EYS: variants seen among roughly 807,000 people sequenced by gnomAD.
EYS encodes the protein EGF-like photoreceptor maintenance factor, also known as protein eyes shut homolog.
EYS carries 250 observed loss-of-function variants against 282.1 expected under a neutral mutation model. The ratio of observed to expected loss-of-function variants is 0.89; its 90% confidence interval spans 0.80 to 0.98. The LOEUF (loss-of-function observed/expected upper bound fraction) is 0.98, where lower values mean the gene tolerates loss of function less well. EYS is among the 50% of genes least tolerant of loss of function. The probability of loss-of-function intolerance (pLI) is 0.00; values close to 1 mark genes in which losing one functional copy is unlikely to be tolerated. For synonymous variants in EYS, 1,355 were observed against 1,282.9 expected (o/e 1.06, Z -1.20); for missense variants, 4,016 against 3,709.0 (o/e 1.08, Z -2.15).
At chr6:65,188,569 A>G (rs2150237978) in intron 12 of EYS, among the ~76,000 whole-genome samples, 1 of 151,748 alleles carries the variant, frequency 6.6e-6, no homozygotes, top group African/African-American at 2.4e-5. Context: ...GTGAATGCGC[A>G]TGAATGCACA....
intron 12 of EYS, among the ~76,000 whole-genome samples, chr6:65,086,294 C>A (rs1034588187): frequency 6.6e-6 from 1 of 151,666 alleles, no homozygotes. Context: ...CCAGCCTAAG[C>A]GTCAGAGTGA....
intron 2 of EYS, among the ~76,000 whole-genome samples, chr6:65,511,663 A>G (rs1007402622): frequency 1.3e-5 from 2 of 152,140 alleles, no homozygotes; most frequent in East Asian, 1.9e-4. Context: ...AAAAGATCCA[A>G]TAACTCAGGA....
At chr6:65,650,338 A>G (rs1401875084) in intron 1 of EYS, among the ~76,000 whole-genome samples, 1 of 152,194 alleles carries the variant, frequency 6.6e-6, no homozygotes, top group Non-Finnish European at 1.5e-5. Flanking sequence ...ATAAGGCTAT[A>G]CTCATAACAG....
intron 26 of EYS, among the ~76,000 whole-genome samples, chr6:64,448,408 T>G (rs1775194797): frequency 6.6e-6 from 1 of 152,216 alleles, no homozygotes; most frequent in Admixed American, 6.5e-5. Flanking sequence ...CCTGCCTGCC[T>G]CTGTAGGCTC....
intron 33 of EYS, among the ~76,000 whole-genome samples, chr6:64,017,418 T>A (rs1439904964): frequency 6.6e-6 from 1 of 152,168 alleles, no homozygotes; most frequent in Non-Finnish European, 1.5e-5. Context: ...ATTTCATTTG[T>A]TTCCATGGTC....
chr6:65,386,231 A>G (rs1276943145), intron 7 of EYS, among the ~76,000 whole-genome samples: 1 of 151,734 alleles, frequency 6.6e-6, no homozygotes, highest in Non-Finnish European at 1.5e-5. Flanking sequence ...CACACTAGGT[A>G]AGAGACCCCC....
intron 11 of EYS, among the ~76,000 whole-genome samples, chr6:65,300,517 C>T (rs1768790298): frequency 6.6e-6 from 1 of 151,926 alleles, no homozygotes; most frequent in Non-Finnish European, 1.5e-5. Flanking sequence ...TTTGTATTTC[C>T]TCTGAATTTT....
rs554254399 is a variant in EYS at position 65,143,636 on chromosome 6, T to A, written c.2024-85909A>T. On this transcript the variant is annotated intron_variant, in intron 12 of 42. Transcript: ENST00000503581. ...TTTAAGGATTCTATCATTTTCTCAATTTACGGTTTTGTTATCCTCCAAGAC... is the reference window on the plus strand; with the variant it reads ...TTTAAGGATTCTATCATTTTCTCAAATTACGGTTTTGTTATCCTCCAAGAC... 2.0e-5 allele frequency among the ~76,000 whole-genome samples: 3 copies of A among 152,220 alleles called. No homozygotes were observed. The East Asian group carries it at 5.8e-4, about 30-fold the overall frequency.
rs1313803512 is a variant in EYS, at chr6:64,303,851, A to T, written c.6191+3119T>A. Among the ~76,000 whole-genome samples, 61 of 151,734 alleles carry T rather than the reference A, an allele frequency of 4.0e-4. 2 individuals carry two copies. The highest frequency in any genetic ancestry group is 6.8e-3 in the Middle Eastern group (2 of 294). On this transcript the variant is annotated intron_variant, in intron 30 of 42. Transcript: ENST00000503581. ...GCGAAACTCCGTCTCAAAAAAAAAAAAAAAAAAAAAGCCTCAGGGTAGGGT... is the reference window on the plus strand; with the variant it reads ...GCGAAACTCCGTCTCAAAAAAAAAATAAAAAAAAAAGCCTCAGGGTAGGGT...
At chr6:64,599,021 T>C (rs1047944491) in intron 24 of EYS, among the ~76,000 whole-genome samples, 4 of 152,102 alleles carry the variant, frequency 2.6e-5, no homozygotes, top group South Asian at 2.1e-4. Context: ...AAAAGCAAGA[T>C]GGACAGTTAA....
chr6:64,439,798 A>G (rs1774874259), intron 26 of EYS, among the ~76,000 whole-genome samples: 1 of 151,850 alleles, frequency 6.6e-6, no homozygotes, highest in African/African-American at 2.4e-5. Flanking sequence ...AACACTCTAA[A>G]TTATATGAGT....
chr6:63,968,302 T>C (rs972079050), intron 35 of EYS, among the ~76,000 whole-genome samples: 2 of 152,194 alleles, frequency 1.3e-5, no homozygotes, highest in Admixed American at 1.3e-4. Context: ...GCTTACATCA[T>C]AATATTTTCA....
intron 14 of EYS, among the ~76,000 whole-genome samples, chr6:64,965,020 A>T (rs918770129): frequency 6.6e-6 from 1 of 152,122 alleles, no homozygotes; most frequent in East Asian, 1.9e-4. Flanking sequence ...TGACAGAGTG[A>T]GACTCCATCT....
intron 22 of EYS, among the ~76,000 whole-genome samples, chr6:64,782,888 C>T (rs1298711951): frequency 6.6e-6 from 1 of 152,168 alleles, no homozygotes; most frequent in Non-Finnish European, 1.5e-5. Context: ...TTACAGTAGT[C>T]CTTTCTTATC....
intron 12 of EYS, among the ~76,000 whole-genome samples, chr6:65,263,884 C>T (rs941055446): frequency 2.0e-5 from 3 of 151,544 alleles, no homozygotes; most frequent in East Asian, 1.9e-4. Context: ...TGAACTCCAG[C>T]GTGGGCAACA....
At chr6:65,223,641 G>T (rs1267587437) in intron 12 of EYS, among the ~76,000 whole-genome samples, 1 of 152,102 alleles carries the variant, frequency 6.6e-6, no homozygotes, top group African/African-American at 2.4e-5. Flanking sequence ...TTGCCTAGAA[G>T]TATTCTCAGT....
chr6:64,657,954 C>T (rs1473427992), intron 22 of EYS, among the ~76,000 whole-genome samples: 1 of 152,142 alleles, frequency 6.6e-6, no homozygotes, highest in Non-Finnish European at 1.5e-5. Context: ...GAGTGTTTTC[C>T]AACGTGGTTC....
intron 2 of EYS, among the ~76,000 whole-genome samples, chr6:65,552,182 C>T (rs1157705671): frequency 6.6e-6 from 1 of 152,180 alleles, no homozygotes; most frequent in African/African-American, 2.4e-5. Flanking sequence ...ATTCAGATTC[C>T]AGACTTACCT....
rs541264772 is a variant in EYS at position 64,902,141 on chromosome 6, T to C, written c.2818A>G (p.Asn940Asp). 6.5e-7 allele frequency: 1 copy of C among 1,548,368 alleles called. No individual in the cohort carries two copies. The highest frequency in any genetic ancestry group is 1.4e-5 in the African/African-American group (1 of 72,986). ...NECSSEPCKNNGTCVDLTNRF... is the reference protein window; with the variant it reads ...NECSSEPCKNDGTCVDLTNRF... The stretch of plus-strand genomic sequence containing the variant: ...TTTGTCAGATCCACACATGTTCCAT[T>C]ATTTTTGCAAGGTTCAGAGGAACAT... Residue 940 changes from asparagine to aspartate, a missense_variant, in exon 18 of 43, where the codon AAT becomes GAT. Asn to Asp is a conservative substitution (Grantham distance 23, BLOSUM62 1). Transcript: ENST00000503581.
Sources: gnomAD v4.1 joint callset for allele counts (sites outside exome capture counted in the v4.1 genomes callset) on GRCh38, gnomAD v4.1.1 for gene constraint, MANE v1.5 for transcripts, NCBI Gene and HGNC (gene_info 2026-07-23, HGNC 2026-07-21) for gene names.